FHOD3: variants seen among roughly 807,000 people sequenced by gnomAD.
The protein encoded by FHOD3 is FH1/FH2 domain-containing protein 3.
FHOD3 carries 90 observed loss-of-function variants against 173.0 expected under a neutral mutation model. The observed-to-expected ratio is 0.52, with a 90% confidence interval of 0.44 to 0.62. The LOEUF (loss-of-function observed/expected upper bound fraction) is 0.62, where lower values mean the gene tolerates loss of function less well. Among genes scored for constraint, FHOD3 ranks in the 20% least tolerant of loss-of-function variants. FHOD3 has a pLI of 0.00. For synonymous variants in FHOD3, 828 were observed against 823.0 expected, an observed-to-expected ratio of 1.01 and a Z score of -0.10; for missense variants, 1,945 against 2,034.7, an observed-to-expected ratio of 0.96 and a Z score of 0.85.
intron 14 of FHOD3, among the ~76,000 whole-genome samples, chr18:36,680,092 A>T (rs2038137635): frequency 6.6e-6 from 1 of 152,146 alleles, no homozygotes; most frequent in Non-Finnish European, 1.5e-5. Flanking sequence ...GAAGATAAAT[A>T]AACTCTATCT....
chr18:36,527,112 G>T (rs548334717), intron 5 of FHOD3, among the ~76,000 whole-genome samples: 1 of 152,290 alleles, frequency 6.6e-6, no homozygotes, highest in South Asian at 2.1e-4. Context: ...CCGGCTGGCT[G>T]TTCTTCTGAT....
intron 3 of FHOD3, among the ~76,000 whole-genome samples, chr18:36,467,431 C>T (rs573113500): frequency 6.6e-6 from 1 of 152,124 alleles, no homozygotes; most frequent in Non-Finnish European, 1.5e-5. Flanking sequence ...GCCATTAATA[C>T]CACCTTGTGG....
At chr18:36,370,931 C>T (rs2047155279) in intron 2 of FHOD3, among the ~76,000 whole-genome samples, 1 of 152,186 alleles carries the variant, frequency 6.6e-6, no homozygotes, top group Non-Finnish European at 1.5e-5. Flanking sequence ...TAAATCAAAA[C>T]TTTCTTCTGG....
intron 6 of FHOD3, among the ~76,000 whole-genome samples, chr18:36,578,322 A>T (rs1351456412): frequency 6.6e-6 from 1 of 152,062 alleles, no homozygotes; most frequent in East Asian, 1.9e-4. Flanking sequence ...TGTGCAGGGG[A>T]GCCACCCTTT....
intron 8 of FHOD3, among the ~76,000 whole-genome samples, chr18:36,606,879 T>G (rs1004258526): frequency 6.6e-6 from 1 of 152,214 alleles, no homozygotes; most frequent in African/African-American, 2.4e-5. Context: ...TATTAAATCT[T>G]AAGACACCAG....
At chr18:36,315,924 G>T (rs1372001123) in intron 1 of FHOD3, among the ~76,000 whole-genome samples, 1 of 152,098 alleles carries the variant, frequency 6.6e-6, no homozygotes, top group Non-Finnish European at 1.5e-5. Flanking sequence ...CCCTGAAGTG[G>T]CAGCTCTCTG....
At chr18:36,572,470 C>T (rs1350779719) in intron 5 of FHOD3, among the ~76,000 whole-genome samples, 1 of 152,008 alleles carries the variant, frequency 6.6e-6, no homozygotes, top group Non-Finnish European at 1.5e-5. Context: ...GGCCGGATTG[C>T]TTTAGTAGTA....
At chr18:36,742,662 T>C in intron 21 of FHOD3, 75 bp from the exon 22 acceptor site, 1 of 1,503,550 alleles carries the variant, frequency 6.7e-7, no homozygotes, top group South Asian at 1.3e-5. Context: ...GTTATTCCCT[T>C]ATACAAAAAG....
intron 1 of FHOD3, among the ~76,000 whole-genome samples, chr18:36,326,494 C>T (rs946325030): frequency 2.6e-5 from 4 of 152,070 alleles, no homozygotes; most frequent in Admixed American, 1.3e-4. Context: ...AGGTCAGGCG[C>T]GGTTGCTCAC....
chr18:36,568,095 A>G (rs2058328779), intron 5 of FHOD3, among the ~76,000 whole-genome samples: 2 of 150,962 alleles, frequency 1.3e-5, no homozygotes, highest in Admixed American at 1.3e-4. Context: ...AGGCTGAGGC[A>G]GGTGGATAAC....
intron 2 of FHOD3, among the ~76,000 whole-genome samples, chr18:36,368,932 C>A (rs1035757737): frequency 1.3e-5 from 2 of 152,122 alleles, no homozygotes; most frequent in African/African-American, 4.8e-5. Flanking sequence ...CTGGGGATTA[C>A]AAGTCAAGAT....
intron 5 of FHOD3, among the ~76,000 whole-genome samples, chr18:36,564,584 G>A (rs545290854): frequency 4.6e-5 from 7 of 152,280 alleles, no homozygotes; most frequent in African/African-American, 1.2e-4. Context: ...GAATAGGCCA[G>A]AAACAAACCA....
intron 18 of FHOD3, chr18:36,709,925 T>G (rs1353496257): frequency 6.5e-6 from 1 of 154,564 alleles, no homozygotes; most frequent in Non-Finnish European, 1.4e-5. Context: ...CACAGTTTAC[T>G]GAGGTCAATT....
chr18:36,350,177 A>G (rs2046056164), intron 1 of FHOD3, among the ~76,000 whole-genome samples: 1 of 152,152 alleles, frequency 6.6e-6, no homozygotes, highest in South Asian at 2.1e-4. Context: ...GGCTCTTTCT[A>G]TGTCTCCAGA....
At chr18:36,607,226 G>A (rs12956202) in intron 8 of FHOD3, among the ~76,000 whole-genome samples, 1 of 152,100 alleles carries the variant, frequency 6.6e-6, no homozygotes, top group East Asian at 1.9e-4. Flanking sequence ...GGTCACCATG[G>A]CTCCACGGCT....
intron 3 of FHOD3, among the ~76,000 whole-genome samples, chr18:36,428,517 A>G (rs188475126): frequency 6.6e-6 from 1 of 152,256 alleles, no homozygotes; most frequent in East Asian, 1.9e-4. Context: ...GGAAAAGAGG[A>G]GCCAGAAGAG....
At chr18:36,547,727 G>T (rs2057470473) in intron 5 of FHOD3, among the ~76,000 whole-genome samples, 2 of 152,204 alleles carry the variant, frequency 1.3e-5, no homozygotes, top group Admixed American at 1.3e-4. Flanking sequence ...CTCACCCGCA[G>T]ATCGTTGGAG....
At chr18:36,482,356 G>C (rs1427651027) in intron 3 of FHOD3, among the ~76,000 whole-genome samples, 2 of 152,234 alleles carry the variant, frequency 1.3e-5, no homozygotes, top group African/African-American at 4.8e-5. Context: ...GTGCACGTCT[G>C]AGATTTTAGA....
chr18:36,365,834 G>A (rs936847997), intron 2 of FHOD3, among the ~76,000 whole-genome samples: 3 of 152,156 alleles, frequency 2.0e-5, no homozygotes, highest in Non-Finnish European at 4.4e-5. Context: ...AGTTCATTCC[G>A]TCTGCCTCAT....
Sources: gnomAD v4.1 joint callset for allele counts (sites outside exome capture counted in the v4.1 genomes callset) on GRCh38, gnomAD v4.1.1 for gene constraint, MANE v1.5 for transcripts, NCBI Gene and HGNC (gene_info 2026-07-23, HGNC 2026-07-21) for gene names.